Variants in IPO5 observed in about 807,000 individuals in gnomAD.
The protein encoded by IPO5 is importin 5, also known as importin-5.
IPO5 carries 18 observed loss-of-function variants against 143.3 expected under a neutral mutation model. That is an observed-to-expected ratio of 0.13 (90% CI 0.09 to 0.19). The LOEUF (loss-of-function observed/expected upper bound fraction) is 0.19. IPO5 is among the 10% of genes least tolerant of loss of function. The probability of loss-of-function intolerance (pLI) is 1.00; values close to 1 mark genes in which losing one functional copy is unlikely to be tolerated. For synonymous variants in IPO5, 477 were observed against 465.7 expected, an observed-to-expected ratio of 1.02 and a Z score of -0.31; for missense variants, 1,013 against 1,336.9, an observed-to-expected ratio of 0.76 and a Z score of 3.78.
chr13:97,970,095 AAATAT>A (rs1186612962), intron 3 of IPO5, among the ~76,000 whole-genome samples: 1 of 152,224 alleles, frequency 6.6e-6, no homozygotes, highest in African/African-American at 2.4e-5. Context: ...TGCCCAATCG[AAATAT>A]AATATGAGCC....
intron 2 of IPO5, chr13:97,960,428 G>GA (rs1884771066): frequency 1.3e-5 from 2 of 151,928 alleles, no homozygotes; most frequent in Non-Finnish European, 2.9e-5. Context: ...AATGATAGGG[G>GA]GAAAAAATCA....
At chr13:97,958,051 C>T (rs971776153) in intron 2 of IPO5, among the ~76,000 whole-genome samples, 22 of 152,114 alleles carry the variant, frequency 1.4e-4, no homozygotes, top group Non-Finnish European at 2.9e-5. Flanking sequence ...AGAATTACAA[C>T]TTAAAGTGAC....
intron 12 of IPO5, among the ~76,000 whole-genome samples, chr13:97,998,493 G>C (rs988985389): frequency 6.6e-6 from 1 of 152,156 alleles, no homozygotes; most frequent in Admixed American, 6.5e-5. Flanking sequence ...TTAACTTTAG[G>C]ATAGGCAGCA....
chr13:97,989,536 C>A (rs1432587358), intron 7 of IPO5, among the ~76,000 whole-genome samples: 1 of 152,136 alleles, frequency 6.6e-6, no homozygotes, highest in Non-Finnish European at 1.5e-5. Context: ...GGTGAATCCC[C>A]ATTATGTTTT....
In IPO5 at chr13:97,989,295, T is replaced by C. The variant is rs1208868041; in HGVS notation, c.467+131T>C. On this transcript the variant is annotated intron_variant, in intron 7 of 28. Coordinates refer to ENST00000651721, the MANE Select transcript of IPO5 (RefSeq NM_002271.6). The stretch of plus-strand genomic sequence containing the variant: ...ATAATGCCTTTACATAAGTTTTGTT[T>C]GTATTTGTATTGGAAGCAATTTTTT... 22 of 522,910 alleles carry C rather than the reference T, an allele frequency of 4.2e-5. No homozygotes were observed. In the South Asian group the frequency reaches 6.1e-4, roughly 14 times the overall value. The allele number at this position is 522,910 out of a possible 1,614,324, so 32.4% of individuals were successfully genotyped here.
At chr13:97,967,833 A>G (rs367814468) in intron 2 of IPO5, among the ~76,000 whole-genome samples, 18 of 152,064 alleles carry the variant, frequency 1.2e-4, no homozygotes, top group South Asian at 8.3e-4. Context: ...GCGTTTCACC[A>G]TGTTAGCCAG....
intron 20 of IPO5, 73 bp downstream of exon 20, chr13:98,010,297 C>A: frequency 2.2e-6 from 3 of 1,348,320 alleles, no homozygotes; most frequent in Non-Finnish European, 2.0e-6. Context: ...CTTTTAATAG[C>A]TGCTAAAGAA....
intron 6 of IPO5, among the ~76,000 whole-genome samples, chr13:97,985,875 C>A (rs899052800): frequency 6.6e-6 from 1 of 152,098 alleles, no homozygotes; most frequent in Non-Finnish European, 1.5e-5. Flanking sequence ...GTAATCTCAG[C>A]ACTTTAGGAG....
chr13:98,005,829 GA>G (rs1889192960), intron 16 of IPO5, among the ~76,000 whole-genome samples: 1 of 151,964 alleles, frequency 6.6e-6, no homozygotes, highest in South Asian at 2.1e-4. Context: ...TAAAGTTGAT[GA>G]ACACAAAAAT....
At chr13:97,969,173 ATATTTTTT>A (rs1466069262) in intron 2 of IPO5, among the ~76,000 whole-genome samples, 2 of 70,142 alleles carry the variant, frequency 2.9e-5, no homozygotes, top group African/African-American at 1.3e-4. Flanking sequence ...ATATATATAT[ATATTTTTT>A]TTTTTTTTTT....
At chr13:97,968,571 A>T (rs1207164696) in intron 2 of IPO5, among the ~76,000 whole-genome samples, 2 of 152,220 alleles carry the variant, frequency 1.3e-5, no homozygotes, top group Admixed American at 6.5e-5. Context: ...ACATGTGTTT[A>T]AAACTGTTCT....
chr13:97,960,010 ATAC>A (rs1884739679), intron 2 of IPO5, among the ~76,000 whole-genome samples: 1 of 152,192 alleles, frequency 6.6e-6, no homozygotes, highest in African/African-American at 2.4e-5. Flanking sequence ...CATTAAACAA[ATAC>A]TACTGCAGTT....
chr13:98,021,921 GTGT>G lies in IPO5; in HGVS notation c.*103_*105del, dbSNP rs1890523775. The G allele has an allele frequency of 1.4e-6, 1 of 719,572 alleles. No homozygotes were observed. The highest frequency in any genetic ancestry group is 2.4e-5 in the Admixed American group (1 of 40,926). The allele number at this position is 719,572 out of a possible 1,614,324, so 44.6% of individuals were successfully genotyped here. On this transcript the variant is annotated 3_prime_UTR_variant, in exon 29 of 29. Coordinates refer to ENST00000651721, the MANE Select transcript of IPO5 (RefSeq NM_002271.6). ...TGTTTTTGAGCAAAAGAGATCGGTA[GTGT>G]TGTGTGTAGGCCATTCTTCTGGAGA...
intron 3 of IPO5, 166 bp downstream of exon 3, chr13:97,969,996 G>A: frequency 1.7e-6 from 1 of 594,590 alleles, no homozygotes; most frequent in African/African-American, 1.9e-5. Context: ...ATCACACCCA[G>A]CCAAAAGTCA....
In IPO5 at chr13:97,982,507, C is replaced by A; in HGVS notation, c.95C>A (p.Thr32Asn). 8 of 1,608,310 alleles carry A rather than the reference C, an allele frequency of 5.0e-6. No homozygotes were observed. Among genetic ancestry groups the A allele is most frequent in the Non-Finnish European group, 6.8e-6 (8 of 1,176,336 alleles). The change falls in exon 5 of 29, where the codon ACC (threonine) becomes AAC (asparagine). Residue 32 changes from threonine (T) to asparagine (N), a missense_variant. Transcript: ENST00000651721. ...DNVVRKQAEETYENIPGQSKI... is the reference protein window; with the variant it reads ...DNVVRKQAEENYENIPGQSKI... ...CATTTTTTTTTTTCCATGCAGGAAA[C>A]CTATGAGAATATCCCAGGCCAGTCA... is the stretch of plus-strand genomic sequence containing the variant.
At chr13:97,986,198 A>G (rs1182570456) in intron 6 of IPO5, among the ~76,000 whole-genome samples, 5 of 152,182 alleles carry the variant, frequency 3.3e-5, no homozygotes, top group Non-Finnish European at 7.3e-5. Context: ...TCCTAAATCT[A>G]TAATGTTTTA....
In IPO5 at chr13:98,010,104, C is replaced by G. The variant is rs755018677; in HGVS notation, c.1935C>G (p.Thr645=). 3.7e-6 allele frequency: 6 copies of G among 1,613,662 alleles called. No individual in the cohort carries two copies. Among genetic ancestry groups the G allele is most frequent in the Non-Finnish European group, 2.5e-6 (3 of 1,179,866 alleles). Reference sequence around the variant, plus strand: ...ATTTGTTTTCTTCTCCGTTAATAGCCCAAGACATGGAGAATATGAGTGATG... The same window carrying G: ...ATTTGTTTTCTTCTCCGTTAATAGCGCAAGACATGGAGAATATGAGTGATG... ...SIKPEVALLD[T]QDMENMSDDD... is the part of the protein sequence containing the mutation. Residue 645 remains threonine, a splice_region_variant and synonymous_variant, in exon 20 of 29, where the codon ACC becomes ACG. Transcript: ENST00000651721.
intron 3 of IPO5, among the ~76,000 whole-genome samples, chr13:97,975,033 C>A (rs553722671): frequency 7.9e-5 from 12 of 152,296 alleles, no homozygotes; most frequent in South Asian, 2.1e-4. Flanking sequence ...TTTCAAAGAG[C>A]AGAACTGCAG....
chr13:97,954,436 A>G (rs1884324827), intron 2 of IPO5, among the ~76,000 whole-genome samples: 1 of 152,184 alleles, frequency 6.6e-6, no homozygotes, highest in South Asian at 2.1e-4. Flanking sequence ...ACTGCCTTTA[A>G]TTTCTCAAAT....
Sources: allele counts gnomAD v4.1 joint callset (sites outside exome capture counted in the v4.1 genomes callset), GRCh38; gene constraint gnomAD v4.1.1; transcripts MANE v1.5; gene names NCBI Gene and HGNC (gene_info 2026-07-23, HGNC 2026-07-21).